KIF6: variants seen among roughly 807,000 people sequenced by gnomAD.
KIF6 encodes kinesin-like protein KIF6.
Under a neutral mutation model 112.7 loss-of-function variants are expected in KIF6, and 106 were observed. The observed-to-expected ratio is 0.94, with a 90% confidence interval of 0.80 to 1.11. The LOEUF (loss-of-function observed/expected upper bound fraction) is 1.11. Among genes scored for constraint, KIF6 ranks in the 50% least tolerant of loss-of-function variants. The probability of loss-of-function intolerance (pLI) is 0.00; values close to 1 mark genes in which losing one functional copy is unlikely to be tolerated. For synonymous variants in KIF6, 339 were observed against 339.9 expected (o/e 1.00, Z 0.03); for missense variants, 929 against 964.0 (o/e 0.96, Z 0.48).
intron 6 of KIF6, among the ~76,000 whole-genome samples, chr6:39,611,053 T>C (rs996308100): frequency 6.6e-6 from 1 of 152,198 alleles, no homozygotes; most frequent in African/African-American, 2.4e-5. Context: ...ACACCTGTAA[T>C]TCCAGCATTT....
intron 5 of KIF6, among the ~76,000 whole-genome samples, chr6:39,625,908 TG>T (rs1784068842): frequency 6.6e-6 from 1 of 152,128 alleles, no homozygotes; most frequent in South Asian, 2.1e-4. Flanking sequence ...AGGAAATTCA[TG>T]TTTGACAGTT....
intron 19 of KIF6, among the ~76,000 whole-genome samples, chr6:39,351,992 G>A (rs1285161016): frequency 1.3e-5 from 2 of 152,352 alleles, no homozygotes; most frequent in Admixed American, 6.5e-5. Flanking sequence ...TCTAGAGGTT[G>A]GCAGGTGCCC....
At chr6:39,550,769 C>T (rs952614054) in intron 10 of KIF6, among the ~76,000 whole-genome samples, 1 of 152,208 alleles carries the variant, frequency 6.6e-6, no homozygotes, top group African/African-American at 2.4e-5. Context: ...CCTCACTGCT[C>T]TAAATCATTT....
At chr6:39,484,976 C>G (rs1199687810) in intron 13 of KIF6, among the ~76,000 whole-genome samples, 1 of 152,202 alleles carries the variant, frequency 6.6e-6, no homozygotes, top group African/African-American at 2.4e-5. Flanking sequence ...GGTTCTTTAT[C>G]AGCCTCTCTC....
intron 2 of KIF6, among the ~76,000 whole-genome samples, chr6:39,717,813 A>G (rs940704392): frequency 1.3e-4 from 20 of 152,224 alleles, no homozygotes; most frequent in Non-Finnish European, 2.4e-4. Flanking sequence ...ACATATGTGT[A>G]AGTTGAATAT....
At chr6:39,482,006 GCA>G (rs143093562) in intron 13 of KIF6, among the ~76,000 whole-genome samples, 14,117 of 140,380 alleles carry the variant, frequency 0.1, 615 homozygotes, top group South Asian at 0.16. Context: ...GGACCTTTAG[GCA>G]CACACACACA....
intron 13 of KIF6, 93 bp from the exon 14 acceptor site, chr6:39,431,254 G>T: frequency 2.8e-6 from 2 of 707,508 alleles, no homozygotes; most frequent in Non-Finnish European, 2.5e-6. Flanking sequence ...ACCAGCCCTG[G>T]CTCCAAGAGG....
chr6:39,464,801 T>C (rs900940860), intron 13 of KIF6, among the ~76,000 whole-genome samples: 1 of 152,206 alleles, frequency 6.6e-6, no homozygotes, highest in African/African-American at 2.4e-5. Context: ...ACTATAGTGA[T>C]ATACCTACAA....
intron 15 of KIF6, among the ~76,000 whole-genome samples, chr6:39,409,243 TC>T (rs1157351825): frequency 6.6e-6 from 1 of 152,104 alleles, no homozygotes; most frequent in East Asian, 1.9e-4. Flanking sequence ...TTTCAGGCAA[TC>T]CTATCTCTGT....
At chr6:39,711,351 C>G (rs1369503809) in intron 3 of KIF6, among the ~76,000 whole-genome samples, 1 of 150,618 alleles carries the variant, frequency 6.6e-6, no homozygotes, top group East Asian at 1.9e-4. Flanking sequence ...TTTCAACAAC[C>G]CTGTATGCAA....
At chr6:39,375,969 C>G (rs889938509) in intron 16 of KIF6, among the ~76,000 whole-genome samples, 1 of 152,170 alleles carries the variant, frequency 6.6e-6, no homozygotes, top group Non-Finnish European at 1.5e-5. Flanking sequence ...GGGTCTGAAC[C>G]CTTGGCAGTT....
In KIF6 at chr6:39,515,725, G is replaced by C. The variant is rs535512237; in HGVS notation, c.1645+24278C>G. ...TGAGAGGGAAGGAAAAGCTGCCAGGGGTCCCTTTCCCCTGCTGACTGACTC... is the reference window on the plus strand; with the variant it reads ...TGAGAGGGAAGGAAAAGCTGCCAGGCGTCCCTTTCCCCTGCTGACTGACTC... On this transcript the variant is annotated intron_variant, in intron 13 of 22. Transcript: ENST00000287152. Among the ~76,000 whole-genome samples the C allele has an allele frequency of 6.2e-4, 95 of 152,208 alleles. 5 individuals carry two copies. The South Asian group carries it at 0.019, about 31-fold the overall frequency.
intron 3 of KIF6, among the ~76,000 whole-genome samples, chr6:39,665,702 G>T (rs1286835719): frequency 6.6e-6 from 1 of 152,042 alleles, no homozygotes; most frequent in African/African-American, 2.4e-5. Context: ...GTCTTACATC[G>T]CAGTGAAGAG....
rs545153278 is a variant in KIF6, at chr6:39,352,600, A to G, written c.2180+4677T>C. ...CAGGTTCATCACTTTTCATGGCCTG[A>G]TAGCTCTTTTTTTTTTTTTTTGAGA... On this transcript the variant is annotated intron_variant, in intron 19 of 22. Coordinates refer to ENST00000287152, the MANE Select transcript of KIF6 (RefSeq NM_145027.6). Among the ~76,000 whole-genome samples, 16 of 138,696 alleles carry G rather than the reference A, an allele frequency of 1.2e-4. No homozygotes were observed. The East Asian group carries it at 3.2e-3, about 27-fold the overall frequency. 91.0% of individuals were successfully genotyped at this position (138,696 alleles called of 152,430 possible).
chr6:39,365,978 G>A (rs879038133), intron 16 of KIF6, among the ~76,000 whole-genome samples: 2 of 152,226 alleles, frequency 1.3e-5, no homozygotes, highest in Non-Finnish European at 2.9e-5. Context: ...CCATGTGAAC[G>A]CAGAGCCCCT....
chr6:39,658,840 A>G (rs1785959659), intron 3 of KIF6, among the ~76,000 whole-genome samples: 2 of 152,218 alleles, frequency 1.3e-5, no homozygotes, highest in Admixed American at 1.3e-4. Context: ...CTCCTACTTG[A>G]ATGCACAAAA....
At chr6:39,539,067 T>G in intron 13 of KIF6, among the ~76,000 whole-genome samples, 2 of 83,524 alleles carry the variant, frequency 2.4e-5, no homozygotes, top group Admixed American at 1.9e-4. Context: ...GGGACTGTTG[T>G]GGGGTGGGGG....
At chr6:39,588,530 A>T (rs1781759864) in intron 7 of KIF6, among the ~76,000 whole-genome samples, 1 of 152,032 alleles carries the variant, frequency 6.6e-6, no homozygotes, top group Non-Finnish European at 1.5e-5. Context: ...TGGCTTTTAA[A>T]TGCATTTATA....
intron 16 of KIF6, among the ~76,000 whole-genome samples, chr6:39,381,729 C>T (rs1766966691): frequency 1.3e-5 from 2 of 152,192 alleles, no homozygotes; most frequent in Non-Finnish European, 2.9e-5. Flanking sequence ...GGCATTTAAT[C>T]TCAGAATGGC....
Sources: allele counts gnomAD v4.1 joint callset (sites outside exome capture counted in the v4.1 genomes callset), GRCh38; gene constraint gnomAD v4.1.1; transcripts MANE v1.5; gene names NCBI Gene and HGNC (gene_info 2026-07-23, HGNC 2026-07-21).